Variants in PPP6R1 observed in about 807,000 individuals in gnomAD.
PPP6R1 encodes serine/threonine-protein phosphatase 6 regulatory subunit 1.
PPP6R1 carries 39 observed loss-of-function variants against 104.6 expected under a neutral mutation model. That is an observed-to-expected ratio of 0.37 (90% CI 0.29 to 0.49). The LOEUF is 0.49. Among genes scored for constraint, PPP6R1 ranks in the 20% least tolerant of loss-of-function variants. The pLI is 0.98. For missense variants in PPP6R1, 1,181 were observed against 1,155.8 expected (o/e 1.02, Z -0.32); for synonymous variants, 549 against 479.0 (o/e 1.15, Z -1.91).
rs568344377 is a variant in PPP6R1 at position 55,231,804 on chromosome 19, G to A, written c.2304C>T (p.Leu768=). Residue 768 remains leucine, a splice_region_variant and synonymous_variant, in exon 19 of 24, where the codon CTC becomes CTT. Coordinates refer to ENST00000412770, the MANE Select transcript of PPP6R1 (RefSeq NM_014931.4). ...ASPPARDALQ[L]RSQDPTPPSA... ...AGCCCGTTCCATCCGGTTCTCACCT[G>A]AGCTGCAGGGCGTCACGGGCAGGAG... The A allele has an allele frequency of 1.5e-5, 22 of 1,500,458 alleles. No homozygotes were observed. In the Admixed American group the frequency reaches 4.0e-4, roughly 28 times the overall value. The allele number at this position is 1,500,458 out of a possible 1,614,324, so 92.9% of individuals were successfully genotyped here.
chr19:55,245,505 C>A lies in PPP6R1; in HGVS notation c.401G>T (p.Arg134Leu). The A allele has an allele frequency of 6.2e-7, 1 of 1,608,674 alleles. No homozygotes were observed. The highest frequency in any genetic ancestry group is 8.5e-7 in the Non-Finnish European group (1 of 1,177,664). ...GGGCCAGGGCACCTGGTCTGTCTTG[C>A]GGTTGATGAGGATGCCCATGACCTT... is the stretch of plus-strand genomic sequence containing the variant. ...FSKVMGILIN[R>L]KTDQLVSFLR... The change falls in exon 3 of 24, where the codon CGC becomes CTC. Residue 134 changes from arginine (R) to leucine (L), a missense_variant. By Grantham distance (102) the Arg-to-Leu change is moderately radical. Around this residue, in one of 2 missense-constraint regions of PPP6R1, gnomAD observed 139 missense variants for 200.1 expected, o/e 0.69. Coordinates refer to ENST00000412770, the MANE Select transcript of PPP6R1 (RefSeq NM_014931.4). The surrounding 1 kb of genome is among the most constrained non-coding windows in gnomAD (Gnocchi z 6.4).
intron 1 of PPP6R1, among the ~76,000 whole-genome samples, chr19:55,253,681 A>G (rs1192056249): frequency 6.6e-6 from 1 of 152,228 alleles, no homozygotes; most frequent in Non-Finnish European, 1.5e-5. Context: ...TCTAAACAGA[A>G]TGAAGATGCA....
Position 55,242,369 on chromosome 19 carries a change from C to T in PPP6R1, c.731+7G>A, listed in dbSNP as rs1292613015. The T allele has an allele frequency of 6.2e-7, 1 of 1,612,796 alleles. No homozygotes were observed. The highest frequency in any genetic ancestry group is 8.5e-7 in the Non-Finnish European group (1 of 1,178,768). On this transcript the variant is annotated splice_region_variant and intron_variant, in intron 6 of 23. Transcript: ENST00000412770. ...CCCCCCAGCCTTAGCCTTGCCCGCACACCCACTTCTCCAGGGTGGCCAGCA... is the reference window on the plus strand; with the variant it reads ...CCCCCCAGCCTTAGCCTTGCCCGCATACCCACTTCTCCAGGGTGGCCAGCA...
In PPP6R1 at chr19:55,230,347, T is replaced by C. The variant is rs2087328652; in HGVS notation, c.*181A>G. 1.3e-6 allele frequency: 1 copy of C among 796,206 alleles called. No homozygotes were observed. Among genetic ancestry groups the C allele is most frequent in the Non-Finnish European group, 2.0e-6 (1 of 503,314 alleles). 49.3% of individuals were successfully genotyped at this position (796,206 alleles called of 1,614,324 possible). ...AACGCTCCAAAACTTCTCTTCTCAG[T>C]GCAAATGGGGGTGGGTTGGGCCTGT... On this transcript the variant is annotated 3_prime_UTR_variant, in exon 24 of 24. Transcript: ENST00000412770.
chr19:55,231,774 C>A, intron 19 of PPP6R1, 28 bp downstream of exon 19: 1 of 1,493,202 alleles, frequency 6.7e-7, no homozygotes, highest in Admixed American at 2.4e-5. Context: ...ATACCAGCAC[C>A]ATTTAGCCCG....
intron 17 of PPP6R1, among the ~76,000 whole-genome samples, chr19:55,235,697 TTTAG>T (rs1374362893): frequency 6.6e-6 from 1 of 151,704 alleles, no homozygotes; most frequent in East Asian, 1.9e-4. Context: ...TTTTTGTATT[TTTAG>T]TAGAGACGGG....
At chr19:55,237,119 C>G in intron 15 of PPP6R1, 149 bp from the exon 16 acceptor site, 1 of 816,776 alleles carries the variant, frequency 1.2e-6, no homozygotes, top group Non-Finnish European at 2.1e-6. Context: ...ACCCGAACCA[C>G]TGGTCCTAAG....
At position 55,236,828 on chromosome 19, in the gene PPP6R1, G is replaced by C; in HGVS notation, c.1810-7C>G. ...CAAGTAGGTTGGCGTTGGGCTGCAG[G>C]GCACAGGGGTGGGAGGATGGGCCAC... On this transcript the variant is annotated splice_region_variant and splice_polypyrimidine_tract_variant and intron_variant, in intron 16 of 23. Coordinates refer to ENST00000412770, the MANE Select transcript of PPP6R1 (RefSeq NM_014931.4). The C allele has an allele frequency of 1.2e-6, 2 of 1,613,846 alleles. No homozygotes were observed. The highest frequency in any genetic ancestry group is 1.3e-5 in the African/African-American group (1 of 75,062).
At chr19:55,252,288 G>C (rs1030056070) in intron 1 of PPP6R1, among the ~76,000 whole-genome samples, 3 of 152,050 alleles carry the variant, frequency 2.0e-5, no homozygotes, top group Non-Finnish European at 4.4e-5. Flanking sequence ...GGAGTGCAGT[G>C]GCGCGATCTC....
chr19:55,228,328 C>G, downstream of PPP6R1: 2 of 1,613,904 alleles, frequency 1.2e-6, no homozygotes, highest in Non-Finnish European at 1.7e-6. Flanking sequence ...GACGGGCAGG[C>G]ACTTGACCAG....
intron 1 of PPP6R1, among the ~76,000 whole-genome samples, chr19:55,256,876 C>A (rs984038933): frequency 2.0e-5 from 3 of 152,098 alleles, no homozygotes; most frequent in African/African-American, 7.2e-5. Context: ...TGCATTCTGC[C>A]ACAGGCTTCT....
At position 55,258,511 on chromosome 19, in the gene PPP6R1, G is replaced by T. The variant is rs1310716183; in HGVS notation, c.-83C>A. On this transcript the variant is annotated 5_prime_UTR_variant, in exon 1 of 24. Transcript: ENST00000412770. ...CCCCCGCCCCGCCGCCGGCGGCTCC[G>T]GCCCCTGCTGCGGGGCCCGGTGAGT... The T allele has an allele frequency of 6.7e-6, 1 of 149,564 alleles. No homozygotes were observed. Among genetic ancestry groups the T allele is most frequent in the Admixed American group, 6.6e-5 (1 of 15,048 alleles). The allele number at this position is 149,564 out of a possible 1,614,324, so 9.3% of individuals were successfully genotyped here. A position where few individuals can be genotyped will look rare whatever the true frequency, so the allele number is the denominator to read the frequency against.
At position 55,241,671 on chromosome 19, in the gene PPP6R1, G is replaced by A. The variant is rs1304383960; in HGVS notation, c.846-32C>T. ...CAGGGCAGGGTCGAAGGCGGAGTGA[G>A]CCTAGATGGCCTGTGCGCCCACACA... On this transcript the variant is annotated intron_variant, in intron 7 of 23. Transcript: ENST00000412770. This position sits in a 1 kb window ranked among gnomAD's most constrained non-coding sequence, Gnocchi z 5.4. The A allele has an allele frequency of 6.6e-7, 1 of 1,521,314 alleles. No individual in the cohort carries two copies. The highest frequency in any genetic ancestry group is 1.3e-5 in the South Asian group (1 of 79,228). The allele number at this position is 1,521,314 out of a possible 1,614,324, so 94.2% of individuals were successfully genotyped here.
chr19:55,235,962 T>C (rs936273517), intron 17 of PPP6R1, among the ~76,000 whole-genome samples: 10 of 141,736 alleles, frequency 7.1e-5, no homozygotes, highest in African/African-American at 2.7e-4. Flanking sequence ...CCTCAGCCTC[T>C]CAAGTAGCTG....
intron 1 of PPP6R1, among the ~76,000 whole-genome samples, chr19:55,257,550 A>G (rs555953278): frequency 1.3e-5 from 2 of 152,058 alleles, no homozygotes; most frequent in East Asian, 1.9e-4. Context: ...CTTCCTTGAC[A>G]TATCTGCACG....
rs1185121040 is a variant in PPP6R1 at position 55,239,453 on chromosome 19, T to C, written c.1703A>G (p.His568Arg). ...MQRMTSAFID[H>R]FGFNDEEFGE... Reference sequence around the variant, plus strand: ...AAACTCCTCATCATTGAAGCCGAAGTGGTCAATGAAGGCAGAGGTCATGCG... The same window carrying C: ...AAACTCCTCATCATTGAAGCCGAAGCGGTCAATGAAGGCAGAGGTCATGCG... The change falls in exon 15 of 24, where the codon CAC (histidine) becomes CGC (arginine). Residue 568 changes from histidine (H) to arginine (R), a missense_variant. Transcript: ENST00000412770. 2 of 1,613,958 alleles carry C rather than the reference T, an allele frequency of 1.2e-6. No homozygotes were observed. The highest frequency in any genetic ancestry group is 3.3e-5 in the Admixed American group (2 of 60,018).
chr19:55,239,573 C>T, intron 14 of PPP6R1, 21 bp downstream of exon 14: 1 of 1,609,630 alleles, frequency 6.2e-7, no homozygotes, highest in Non-Finnish European at 8.5e-7. Flanking sequence ...CCAGCACAGC[C>T]CCACATAGCC....
intron 5 of PPP6R1, among the ~76,000 whole-genome samples, chr19:55,243,629 G>A (rs1318109609): frequency 6.6e-6 from 1 of 151,826 alleles, no homozygotes; most frequent in Non-Finnish European, 1.5e-5. Flanking sequence ...TCACGCCACT[G>A]CACTCCAGCC....
chr19:55,239,929 G>A lies in PPP6R1; in HGVS notation c.1478-18C>T, dbSNP rs766240859. ...GGGCAGCTCTGCTTAGGTGAGAGGG[G>A]TGAAGACGTGAGGCATCTCGGGGCT... On this transcript the variant is annotated intron_variant, in intron 12 of 23. Coordinates refer to ENST00000412770, the MANE Select transcript of PPP6R1 (RefSeq NM_014931.4). 10 of 1,613,544 alleles carry A rather than the reference G, an allele frequency of 6.2e-6. No individual in the cohort carries two copies. In the Admixed American group the frequency reaches 8.3e-5, roughly 13 times the overall value.
Sources: gnomAD v4.1 joint callset for allele counts (sites outside exome capture counted in the v4.1 genomes callset) on GRCh38, gnomAD v4.1.1 for gene constraint, gnomAD v4.1.1 regional missense constraint, Gnocchi (gnomAD v3.1) non-coding constraint, MANE v1.5 for transcripts, NCBI Gene and HGNC (gene_info 2026-07-23, HGNC 2026-07-21) for gene names.